The following NEDD4L variants were observed in gnomAD, a reference collection of about 807,000 sequenced individuals.
NEDD4L encodes NEDD4 like E3 ubiquitin protein ligase.
NEDD4L carries 54 observed loss-of-function variants against 148.9 expected under a neutral mutation model. That is an observed-to-expected ratio of 0.36 (90% confidence interval 0.29 to 0.45). The LOEUF is 0.45. Among genes scored for constraint, NEDD4L ranks in the 20% least tolerant of loss-of-function variants. NEDD4L has a pLI of 1.00. For synonymous variants in NEDD4L, 433 were observed against 440.7 expected (o/e 0.98, Z 0.22); for missense variants, 856 against 1,233.8 (o/e 0.69, Z 4.59).
intron 2 of NEDD4L, among the ~76,000 whole-genome samples, chr18:58,218,440 A>G (rs565494344): frequency 4.6e-5 from 7 of 152,320 alleles, no homozygotes; most frequent in African/African-American, 1.7e-4. Flanking sequence ...AAAAAATTCC[A>G]AGGGAAATGA....
chr18:58,290,986 G>T (rs928907732), intron 5 of NEDD4L, among the ~76,000 whole-genome samples: 1 of 151,848 alleles, frequency 6.6e-6, no homozygotes. Flanking sequence ...GGATCCACAG[G>T]GTCACACAGA....
intron 1 of NEDD4L, among the ~76,000 whole-genome samples, chr18:58,118,126 G>C (rs1456170313): frequency 6.6e-6 from 1 of 152,228 alleles, no homozygotes; most frequent in Non-Finnish European, 1.5e-5. Context: ...GGCTGGCATT[G>C]CCAAGTTGTT....
At chr18:58,132,279 G>A (rs986093572) in intron 1 of NEDD4L, among the ~76,000 whole-genome samples, 15 of 152,150 alleles carry the variant, frequency 9.9e-5, no homozygotes, top group Non-Finnish European at 2.2e-4. Context: ...CAGGAGAGAG[G>A]GGATTAGAAG....
At chr18:58,110,182 C>T (rs116232685) in intron 1 of NEDD4L, among the ~76,000 whole-genome samples, 1 of 152,246 alleles carries the variant, frequency 6.6e-6, no homozygotes, top group African/African-American at 2.4e-5. Flanking sequence ...GATAAATAGC[C>T]TTTCATGTGG....
At chr18:58,095,804 C>A (rs1008874842) in intron 1 of NEDD4L, among the ~76,000 whole-genome samples, 2 of 152,180 alleles carry the variant, frequency 1.3e-5, no homozygotes, top group African/African-American at 4.8e-5. Context: ...CTTTGACTTC[C>A]GTGATCTAGA....
chr18:58,276,221 AG>A (rs2051964763), intron 5 of NEDD4L, among the ~76,000 whole-genome samples: 2 of 54,588 alleles, frequency 3.7e-5, no homozygotes, highest in East Asian at 4.1e-4. Flanking sequence ...TTGGGTGGGG[AG>A]GGGGGTGGTT....
chr18:58,367,654 A>G (rs1007637758), intron 21 of NEDD4L, 92 bp from the exon 22 acceptor site: 4 of 1,369,102 alleles, frequency 2.9e-6, no homozygotes, highest in African/African-American at 1.4e-5. Context: ...TCGCAGGGAC[A>G]CTGTAAAAGT....
At position 58,366,245 on chromosome 18, in the gene NEDD4L, A is replaced by G; in HGVS notation, c.2063+17A>G. 6.6e-7 allele frequency: 1 copy of G among 1,517,564 alleles called. No individual in the cohort carries two copies. The highest frequency in any genetic ancestry group is 9.0e-7 in the Non-Finnish European group (1 of 1,113,834). 94.0% of individuals were successfully genotyped at this position (1,517,564 alleles called of 1,614,324 possible). A position where few individuals can be genotyped will look rare whatever the true frequency, so the allele number is the denominator to read the frequency against. On this transcript the variant is annotated intron_variant, in intron 21 of 30. Transcript: ENST00000400345. The surrounding 1 kb of genome is among the most constrained non-coding windows in gnomAD (Gnocchi z 4.2). ...CTCTGCCACGTAAGTATATGGCCAC[A>G]CCCAGTGTGTGTCCCCCACTGAGAC...
chr18:58,173,498 A>T lies in NEDD4L; in HGVS notation c.122+7637A>T, dbSNP rs146034932. Among the ~76,000 whole-genome samples the T allele has an allele frequency of 8.9e-3, 1,350 of 152,328 alleles. 23 individuals carry two copies. The highest frequency in any genetic ancestry group is 0.031 in the African/African-American group (1,271 of 41,560). ...ACATGGGCTCAAGGGTATTGGAGGG[A>T]CATGGCAGAAAGTCCTTCTGCTGCC... On this transcript the variant is annotated intron_variant, in intron 2 of 30. Transcript: ENST00000400345.
In NEDD4L at chr18:58,339,012, G is replaced by C. The variant is rs139151648; in HGVS notation, c.1126-2026G>C. On this transcript the variant is annotated intron_variant, in intron 13 of 30. Transcript: ENST00000400345. ...ATGACACATCCATGTGCTTTCAGTTGATCAGTTGCCTCCCAAGTGTCCTTT... is the reference window on the plus strand; with the variant it reads ...ATGACACATCCATGTGCTTTCAGTTCATCAGTTGCCTCCCAAGTGTCCTTT... Among the ~76,000 whole-genome samples the C allele has an allele frequency of 7.8e-3, 1,195 of 152,282 alleles. 21 individuals are homozygous for C. Among genetic ancestry groups the C allele is most frequent in the African/African-American group, 0.027 (1,134 of 41,564 alleles).
At chr18:58,097,931 A>T (rs1281565997) in intron 1 of NEDD4L, among the ~76,000 whole-genome samples, 1 of 152,130 alleles carries the variant, frequency 6.6e-6, no homozygotes, top group African/African-American at 2.4e-5. Context: ...TGGGAGGCGG[A>T]TGTGGGAGGA....
chr18:58,235,907 T>G (rs187610671), intron 2 of NEDD4L, among the ~76,000 whole-genome samples: 164 of 152,110 alleles, frequency 1.1e-3, no homozygotes, highest in Non-Finnish European at 2.1e-3. Flanking sequence ...GTGGCTCACA[T>G]CTGTAGTCCC....
At chr18:58,352,483 C>T (rs996998106) in intron 18 of NEDD4L, among the ~76,000 whole-genome samples, 10 of 151,972 alleles carry the variant, frequency 6.6e-5, no homozygotes, top group African/African-American at 1.7e-4. Context: ...GATGAAACCC[C>T]GTCTCTACTA....
At chr18:58,044,965 C>A in intron 1 of NEDD4L, 1 of 448,364 alleles carries the variant, frequency 2.2e-6, no homozygotes, top group South Asian at 4.8e-5. Context: ...CGCAGCTCCT[C>A]GCTTTCGGGA....
chr18:58,223,815 T>C (rs1470858085), intron 2 of NEDD4L, among the ~76,000 whole-genome samples: 3 of 152,194 alleles, frequency 2.0e-5, no homozygotes, highest in African/African-American at 7.2e-5. Flanking sequence ...CAGAAGCACA[T>C]GTTCTCTGCT....
Position 58,044,478 on chromosome 18 carries a change from G to T in NEDD4L, c.-183G>T, listed in dbSNP as rs1309687401. ...CAGCCTTCCGGGAGGAAGCGGTGCC[G>T]GCAGCGTCCAGGGCGCGCTCTCGGG... On this transcript the variant is annotated 5_prime_UTR_variant, in exon 1 of 31. Transcript: ENST00000400345. The T allele has an allele frequency of 7.0e-6, 5 of 711,568 alleles. No individual in the cohort carries two copies. The South Asian group carries it at 3.0e-4, about 42-fold the overall frequency. The allele number at this position is 711,568 out of a possible 1,614,324, so 44.1% of individuals were successfully genotyped here. A position where few individuals can be genotyped will look rare whatever the true frequency, so the allele number is the denominator to read the frequency against.
chr18:58,378,838 G>A (rs933236014), intron 24 of NEDD4L, among the ~76,000 whole-genome samples: 6 of 152,196 alleles, frequency 3.9e-5, no homozygotes, highest in African/African-American at 4.8e-5. Flanking sequence ...CCCAGGCAGC[G>A]CAAAGCATTT....
intron 2 of NEDD4L, among the ~76,000 whole-genome samples, chr18:58,174,753 A>G (rs1439274521): frequency 6.6e-6 from 1 of 152,176 alleles, no homozygotes. Context: ...ATGTGGGGGC[A>G]GTCTCATCCC....
intron 2 of NEDD4L, among the ~76,000 whole-genome samples, chr18:58,215,919 T>G (rs1320900355): frequency 1.3e-5 from 2 of 152,192 alleles, no homozygotes; most frequent in Non-Finnish European, 2.9e-5. Flanking sequence ...ATCTGTTAAG[T>G]TTGTTTCCAG....
Sources: allele counts gnomAD v4.1 joint callset (sites outside exome capture counted in the v4.1 genomes callset), GRCh38; gene constraint gnomAD v4.1.1; non-coding constraint Gnocchi (gnomAD v3.1); transcripts MANE v1.5; gene names NCBI Gene and HGNC (gene_info 2026-07-23, HGNC 2026-07-21).